VPS13D: variants seen among roughly 807,000 people sequenced by gnomAD.
VPS13D encodes the protein intermembrane lipid transfer protein VPS13D.
Under a neutral mutation model 461.9 loss-of-function variants are expected in VPS13D, and 187 were observed. The observed-to-expected ratio is 0.40, with a 90% CI of 0.36 to 0.46. The LOEUF is 0.46. VPS13D is among the 20% of genes least tolerant of loss of function. The probability of loss-of-function intolerance (pLI) is 0.60; values close to 1 mark genes in which losing one functional copy is unlikely to be tolerated. For missense variants in VPS13D, 4,711 were observed against 5,364.9 expected, an observed-to-expected ratio of 0.88 and a Z score of 3.81; for synonymous variants, 1,951 against 1,986.3, an observed-to-expected ratio of 0.98 and a Z score of 0.47.
chr1:12,271,903 G>A (rs1162090165), intron 17 of VPS13D, among the ~76,000 whole-genome samples: 1 of 152,124 alleles, frequency 6.6e-6, no homozygotes, highest in Admixed American at 6.5e-5. Flanking sequence ...TCACAGTCCA[G>A]TAGGTAGGCT....
chr1:12,286,543 T>C (rs142099988), intron 21 of VPS13D, among the ~76,000 whole-genome samples: 3,155 of 152,290 alleles, frequency 0.021, 152 homozygotes, highest in Admixed American at 0.12. Flanking sequence ...GTGTCCCACA[T>C]TTTAGGTTTG....
intron 67 of VPS13D, among the ~76,000 whole-genome samples, chr1:12,482,789 CAT>C (rs1052420254): frequency 4.1e-5 from 6 of 147,930 alleles, no homozygotes; most frequent in East Asian, 2.0e-4. Flanking sequence ...ACATAGTATA[CAT>C]ATATATATAC....
chr1:12,252,695 C>G (rs1274865708), intron 6 of VPS13D, among the ~76,000 whole-genome samples: 1 of 150,256 alleles, frequency 6.7e-6, no homozygotes, highest in African/African-American at 2.5e-5. Flanking sequence ...TCGCTTGAAC[C>G]TGGGAAGTGA....
chr1:12,302,978 C>G (rs1260614039), intron 25 of VPS13D, among the ~76,000 whole-genome samples: 1 of 151,854 alleles, frequency 6.6e-6, no homozygotes, highest in Admixed American at 6.6e-5. Flanking sequence ...GTTGCTTGTT[C>G]AAGTATTTGT....
chr1:12,478,248 G>A (rs948181165), intron 67 of VPS13D, among the ~76,000 whole-genome samples: 4 of 152,254 alleles, frequency 2.6e-5, no homozygotes, highest in South Asian at 4.1e-4. Flanking sequence ...TTACAGTACC[G>A]AACAAAGGGA....
At chr1:12,496,893 C>T (rs1005914570) in intron 67 of VPS13D, among the ~76,000 whole-genome samples, 3 of 152,110 alleles carry the variant, frequency 2.0e-5, no homozygotes, top group African/African-American at 7.3e-5. Flanking sequence ...AGGTCCAGGT[C>T]CAGGTCCAGG....
intron 60 of VPS13D, among the ~76,000 whole-genome samples, chr1:12,390,768 G>C (rs1644414153): frequency 6.6e-6 from 1 of 152,210 alleles, no homozygotes; most frequent in South Asian, 2.1e-4. Context: ...GCTGTAGACA[G>C]GGCAGCCTTG....
rs745503423 is a variant in VPS13D at position 12,386,310 on chromosome 1, T to C, written c.11610T>C (p.Leu3870=). ...CACAGCTGGCAACCAGTCACATGCT[T>C]GAACTCAGCATACAGGATGTACAGG... The part of the protein sequence containing the change: ...HYTQLATSHM[L]ELSIQDVQVD... Residue 3870 remains leucine (L), a synonymous_variant, in exon 60 of 70, where the codon CTT becomes CTC. Coordinates refer to ENST00000620676, the MANE Select transcript of VPS13D (RefSeq NM_015378.4). 1.1e-5 allele frequency: 17 copies of C among 1,611,440 alleles called. No homozygotes were observed. The highest frequency in any genetic ancestry group is 1.4e-5 in the Non-Finnish European group (17 of 1,178,962).
At chr1:12,385,842 A>C (rs1644343809) in intron 59 of VPS13D, among the ~76,000 whole-genome samples, 1 of 152,218 alleles carries the variant, frequency 6.6e-6, no homozygotes, top group African/African-American at 2.4e-5. Context: ...ATGGAAGTGT[A>C]GTGGATAACA....
At chr1:12,454,099 G>C (rs956218546) in intron 65 of VPS13D, among the ~76,000 whole-genome samples, 4 of 152,160 alleles carry the variant, frequency 2.6e-5, no homozygotes, top group Non-Finnish European at 4.4e-5. Flanking sequence ...CTAGATACCA[G>C]GCCCCCGAGC....
Position 12,413,543 on chromosome 1 carries a change from C to T in VPS13D, c.12031-1544C>T, listed in dbSNP as rs1644757137. 4.6e-5 allele frequency among the ~76,000 whole-genome samples: 7 copies of T among 152,192 alleles called. No homozygotes were observed. In the South Asian group the frequency reaches 1.4e-3, roughly 32 times the overall value. ...GCTAAGTACAGTGGCATGATCTCAGCTTAGTGTGGCCTTGACCTTCAAAGT... is the reference window on the plus strand; with the variant it reads ...GCTAAGTACAGTGGCATGATCTCAGTTTAGTGTGGCCTTGACCTTCAAAGT... On this transcript the variant is annotated intron_variant, in intron 63 of 69. Coordinates refer to ENST00000620676, the MANE Select transcript of VPS13D (RefSeq NM_015378.4).
chr1:12,317,651 G>A (rs1468143943), intron 30 of VPS13D, among the ~76,000 whole-genome samples: 3 of 151,844 alleles, frequency 2.0e-5, no homozygotes, highest in East Asian at 1.9e-4. Context: ...AGGCTGAGGC[G>A]GGAGGATCAC....
chr1:12,419,244 C>T (rs1323383481), intron 65 of VPS13D, among the ~76,000 whole-genome samples: 1 of 152,138 alleles, frequency 6.6e-6, no homozygotes, highest in Non-Finnish European at 1.5e-5. Context: ...GGGAACGAGT[C>T]CTCTGGTATG....
intron 42 of VPS13D, 57 bp from the exon 43 acceptor site, chr1:12,345,317 C>A: frequency 6.5e-7 from 1 of 1,548,392 alleles, no homozygotes; most frequent in Non-Finnish European, 8.8e-7. Context: ...TTTGCTTCTA[C>A]TTTTCATCCC....
At chr1:12,362,210 G>A (rs1643961630) in intron 50 of VPS13D, among the ~76,000 whole-genome samples, 2 of 152,184 alleles carry the variant, frequency 1.3e-5, no homozygotes, top group South Asian at 4.1e-4. Context: ...CTGGATTCTT[G>A]GGCAATGGGC....
At position 12,283,925 on chromosome 1, in the gene VPS13D, C is replaced by T. The variant is rs571767378; in HGVS notation, c.5634+189C>T. Among the ~76,000 whole-genome samples the T allele has an allele frequency of 2.0e-5, 3 of 152,324 alleles. No individual in the cohort carries two copies. In the East Asian group the frequency reaches 5.8e-4, roughly 29 times the overall value. ...GGAAAGGTTTTACTGTAAATCCCAT[C>T]TGGAGGCAGGGAAAATAAGTGGTTT... On this transcript the variant is annotated intron_variant, in intron 21 of 69. Transcript: ENST00000620676.
intron 5 of VPS13D, among the ~76,000 whole-genome samples, chr1:12,248,830 C>T (rs1031259515): frequency 2.0e-5 from 3 of 151,720 alleles, no homozygotes; most frequent in Non-Finnish European, 4.4e-5. Context: ...TGTCTGTATA[C>T]AATGGCTTTG....
At chr1:12,333,094 T>G (rs1277472439) in intron 37 of VPS13D, 132 bp from the exon 38 acceptor site, 3 of 1,095,186 alleles carry the variant, frequency 2.7e-6, no homozygotes, top group Non-Finnish European at 3.9e-6. Context: ...TTGGTGCTTT[T>G]GTTGTGAAAT....
In VPS13D at chr1:12,318,179, A is replaced by T. The variant is rs1458837970; in HGVS notation, c.7256A>T (p.Asp2419Val). 1.2e-6 allele frequency: 2 copies of T among 1,614,038 alleles called. No individual in the cohort carries two copies. The highest frequency in any genetic ancestry group is 1.7e-6 in the Non-Finnish European group (2 of 1,180,040). ...CATGATTTTCTCCACACTCCCAGTG[A>T]TATTAAGAAACAAAATCATGTTACT... The part of the protein sequence containing the change: ...LVHDFLHTPS[D>V]IKKQNHVTPS... The change falls in exon 31 of 70, where the codon GAT (aspartate) becomes GTT (valine). Residue 2419 changes from aspartate (D) to valine (V), a missense_variant. Transcript: ENST00000620676.
Sources: allele counts gnomAD v4.1 joint callset (sites outside exome capture counted in the v4.1 genomes callset), GRCh38; gene constraint gnomAD v4.1.1; transcripts MANE v1.5; gene names NCBI Gene and HGNC (gene_info 2026-07-23, HGNC 2026-07-21).